CNTNAP4: variants seen among roughly 807,000 people sequenced by gnomAD.
CNTNAP4 encodes the protein contactin-associated protein-like 4.
Under a neutral mutation model 148.4 loss-of-function variants are expected in CNTNAP4, and 98 were observed. The observed-to-expected ratio is 0.66, with a 90% CI of 0.56 to 0.78. The LOEUF is 0.78. Ranked by LOEUF, CNTNAP4 falls within the 30% of genes least tolerant of loss-of-function variation. The pLI, the probability that CNTNAP4 is intolerant of heterozygous loss-of-function variation, is 0.00. For missense variants in CNTNAP4, 1,935 were observed against 1,565.6 expected, an observed-to-expected ratio of 1.24 and a Z score of -3.98; for synonymous variants, 730 against 565.1, an observed-to-expected ratio of 1.29 and a Z score of -4.14.
chr16:76,401,526 A>T (rs2078416529), intron 3 of CNTNAP4, among the ~76,000 whole-genome samples: 1 of 152,020 alleles, frequency 6.6e-6, no homozygotes, highest in African/African-American at 2.4e-5. Flanking sequence ...TCCTATTTGG[A>T]TACCTTTTAT....
chr16:76,434,956 A>G (rs1435349351), intron 4 of CNTNAP4, among the ~76,000 whole-genome samples: 2 of 152,176 alleles, frequency 1.3e-5, no homozygotes, highest in East Asian at 3.9e-4. Flanking sequence ...TAGGTCCCCT[A>G]AAATCAGCGT....
intron 2 of CNTNAP4, among the ~76,000 whole-genome samples, chr16:76,321,411 A>G (rs755400686): frequency 6.6e-6 from 1 of 152,202 alleles, no homozygotes; most frequent in Non-Finnish European, 1.5e-5. Flanking sequence ...AGTGCTTAAG[A>G]GGATAGATCC....
At position 76,436,971 on chromosome 16, in the gene CNTNAP4, A is replaced by ATCTG. The variant is rs1163548444; in HGVS notation, c.538+9375_538+9376insGTCT. Among the ~76,000 whole-genome samples, 3 of 149,736 alleles carry ATCTG rather than the reference A, an allele frequency of 2.0e-5. No homozygotes were observed. In the East Asian group the frequency reaches 6.1e-4, roughly 30 times the overall value. On this transcript the variant is annotated intron_variant, in intron 4 of 23. Transcript: ENST00000611870. ...TCTGACTAATACAGAATATCTATCT[A>ATCTG]TCTATCTATCTATCTGTCTATCTAG...
At chr16:76,405,178 A>T (rs2078558948) in intron 3 of CNTNAP4, among the ~76,000 whole-genome samples, 1 of 151,312 alleles carries the variant, frequency 6.6e-6, no homozygotes, top group African/African-American at 2.5e-5. Flanking sequence ...ACTTGTTTTC[A>T]CTATGACACT....
chr16:76,559,877 A>T lies in CNTNAP4; in HGVS notation c.*1194A>T, dbSNP rs1035821948. Among the ~76,000 whole-genome samples, 1 of 152,156 alleles carries T rather than the reference A, an allele frequency of 6.6e-6. No individual in the cohort carries two copies. The highest frequency in any genetic ancestry group is 1.5e-5 in the Non-Finnish European group (1 of 68,014). ...GATCTACACAATCAATAATTAAACA[A>T]TGCACACTCTAAGGGGAGATAGCAT... On this transcript the variant is annotated 3_prime_UTR_variant, in exon 24 of 24. Coordinates refer to ENST00000611870, the MANE Select transcript of CNTNAP4 (RefSeq NM_033401.5).
chr16:76,428,117 A>G (rs1442771349), intron 4 of CNTNAP4, among the ~76,000 whole-genome samples: 1 of 152,190 alleles, frequency 6.6e-6, no homozygotes, highest in African/African-American at 2.4e-5. Flanking sequence ...TGAATATAAC[A>G]TGTGTTTAAA....
intron 1 of CNTNAP4, among the ~76,000 whole-genome samples, chr16:76,290,790 C>T (rs562698967): frequency 2.4e-4 from 36 of 152,214 alleles, no homozygotes; most frequent in Admixed American, 1.8e-3. Flanking sequence ...CTGCCATAAC[C>T]GAATACCACA....
chr16:76,523,117 T>C (rs1236898519), intron 17 of CNTNAP4, among the ~76,000 whole-genome samples: 2 of 151,968 alleles, frequency 1.3e-5, no homozygotes, highest in Non-Finnish European at 2.9e-5. Context: ...GCTTATTTAT[T>C]TATTATCTTA....
chr16:76,390,867 T>A (rs1381845464), intron 3 of CNTNAP4, among the ~76,000 whole-genome samples: 4 of 152,170 alleles, frequency 2.6e-5, no homozygotes, highest in Non-Finnish European at 4.4e-5. Context: ...TTTTCTTTTT[T>A]AAAAAATTTT....
intron 7 of CNTNAP4, among the ~76,000 whole-genome samples, chr16:76,450,949 A>G (rs1177874962): frequency 6.6e-6 from 1 of 152,204 alleles, no homozygotes; most frequent in African/African-American, 2.4e-5. Context: ...CAAAGCAGTG[A>G]TGTGTGGAGG....
intron 4 of CNTNAP4, among the ~76,000 whole-genome samples, chr16:76,435,526 T>C (rs1222699804): frequency 6.6e-6 from 1 of 152,160 alleles, no homozygotes; most frequent in Non-Finnish European, 1.5e-5. Flanking sequence ...CACTGTTAGA[T>C]CTGACATACA....
chr16:76,373,354 C>G (rs1323490616), intron 3 of CNTNAP4, among the ~76,000 whole-genome samples: 1 of 151,882 alleles, frequency 6.6e-6, no homozygotes, highest in Non-Finnish European at 1.5e-5. Context: ...AAGAAACATT[C>G]TTAGTCATAA....
chr16:76,536,618 C>A (rs144620056), intron 18 of CNTNAP4, among the ~76,000 whole-genome samples: 4 of 151,910 alleles, frequency 2.6e-5, no homozygotes, highest in African/African-American at 9.7e-5. Context: ...CATTAAATAT[C>A]GATGCATTAC....
chr16:76,514,732 T>C (rs2083179003), intron 15 of CNTNAP4, among the ~76,000 whole-genome samples: 1 of 110,334 alleles, frequency 9.1e-6, no homozygotes, highest in Non-Finnish European at 2.2e-5. Context: ...GGTTAATAAA[T>C]AGTTGAAAAC....
rs116603411 is a variant in CNTNAP4 at position 76,396,107 on chromosome 16, A to G, written c.391-31345A>G. ...TAAATAAGGAAAGACCTCAACATCA[A>G]CTAAAACACAGATATTTATAAATGA... On this transcript the variant is annotated intron_variant, in intron 3 of 23. Transcript: ENST00000611870. 4.3e-3 allele frequency among the ~76,000 whole-genome samples: 660 copies of G among 152,304 alleles called. 6 individuals carry two copies. Among genetic ancestry groups the G allele is most frequent in the East Asian group, 0.014 (70 of 5,184 alleles).
At chr16:76,447,356 T>TA in intron 4 of CNTNAP4, among the ~76,000 whole-genome samples, 1 of 147,466 alleles carries the variant, frequency 6.8e-6, no homozygotes, top group South Asian at 2.1e-4. Context: ...ATATATGAAA[T>TA]TATATATATA....
intron 4 of CNTNAP4, among the ~76,000 whole-genome samples, chr16:76,441,756 C>G (rs138010140): frequency 1.2e-4 from 19 of 152,282 alleles, no homozygotes; most frequent in Non-Finnish European, 2.4e-4. Flanking sequence ...ACTTATTAAA[C>G]TATTTTTTGC....
chr16:76,504,415 GA>G (rs35882420), intron 15 of CNTNAP4, among the ~76,000 whole-genome samples: 24,849 of 146,138 alleles, frequency 0.17, 2,592 homozygotes, highest in Admixed American at 0.31. Flanking sequence ...AAAGCAGAAT[GA>G]AAAAAAAAAG....
At chr16:76,347,768 G>A (rs1184721711) in intron 2 of CNTNAP4, among the ~76,000 whole-genome samples, 1 of 152,078 alleles carries the variant, frequency 6.6e-6, no homozygotes, top group African/African-American at 2.4e-5. Context: ...TCAAAGAACA[G>A]CAAGGAGGCC....
Sources: allele counts gnomAD v4.1 joint callset (sites outside exome capture counted in the v4.1 genomes callset), GRCh38; gene constraint gnomAD v4.1.1; transcripts MANE v1.5; gene names NCBI Gene and HGNC (gene_info 2026-07-23, HGNC 2026-07-21).